The following FAM193A variants were observed in gnomAD, a reference collection of about 807,000 sequenced individuals.
The protein encoded by FAM193A is protein FAM193A.
FAM193A carries 22 observed loss-of-function variants against 126.5 expected under a neutral mutation model. The ratio of observed to expected loss-of-function variants is 0.17; its 90% CI spans 0.12 to 0.25. The LOEUF (loss-of-function observed/expected upper bound fraction) is 0.25, where lower values mean the gene tolerates loss of function less well. Among genes scored for constraint, FAM193A ranks in the 10% least tolerant of loss-of-function variants. FAM193A has a pLI of 1.00. For missense variants in FAM193A, 1,675 were observed against 1,672.8 expected, an observed-to-expected ratio of 1.00 and a Z score of -0.02; for synonymous variants, 761 against 646.8, an observed-to-expected ratio of 1.18 and a Z score of -2.68.
In FAM193A at chr4:2,604,789, T is replaced by C. The variant is rs1741431545; in HGVS notation, c.501+8460T>C. Among the ~76,000 whole-genome samples the C allele has an allele frequency of 2.7e-5, 4 of 146,008 alleles. No individual in the cohort carries two copies. The South Asian group carries it at 8.6e-4, about 31-fold the overall frequency. On this transcript the variant is annotated intron_variant, in intron 2 of 20. Coordinates refer to ENST00000637812, the MANE Select transcript of FAM193A (RefSeq NM_001366318.2). ...GTCTGCTTTTTTTCTTTTTTCTTTT[T>C]CCTTTTTTTTTTTTTTTTTTTTTTT...
chr4:2,604,426 T>C (rs901858440), intron 2 of FAM193A, among the ~76,000 whole-genome samples: 2 of 152,330 alleles, frequency 1.3e-5, no homozygotes, highest in East Asian at 1.9e-4. Flanking sequence ...CTGAGTGTTA[T>C]TTAAAATGTC....
intron 1 of FAM193A, among the ~76,000 whole-genome samples, chr4:2,545,379 C>T (rs979580268): frequency 6.8e-6 from 1 of 146,358 alleles, no homozygotes; most frequent in Non-Finnish European, 1.5e-5. Flanking sequence ...TGTTGTTGTC[C>T]TAGCAGTGGA....
chr4:2,581,594 G>A (rs1263877846), intron 1 of FAM193A, among the ~76,000 whole-genome samples: 2 of 151,468 alleles, frequency 1.3e-5, no homozygotes, highest in African/African-American at 2.4e-5. Context: ...AGGTATGCTG[G>A]CAATAAATTT....
At chr4:2,687,453 T>C (rs1197137831) in intron 13 of FAM193A, among the ~76,000 whole-genome samples, 1 of 152,096 alleles carries the variant, frequency 6.6e-6, no homozygotes, top group Non-Finnish European at 1.5e-5. Flanking sequence ...GTCACACAGC[T>C]AGCAAAAGGG....
chr4:2,601,300 T>G (rs972590693), intron 2 of FAM193A, among the ~76,000 whole-genome samples: 1 of 146,676 alleles, frequency 6.8e-6, no homozygotes, highest in African/African-American at 2.5e-5. Context: ...TGGTGCGATC[T>G]CAGCTTACTG....
At chr4:2,542,507 G>C (rs1214951406) in intron 1 of FAM193A, among the ~76,000 whole-genome samples, 1 of 152,160 alleles carries the variant, frequency 6.6e-6, no homozygotes, top group Admixed American at 6.5e-5. Flanking sequence ...TTTAATAATT[G>C]TTCATTAAAG....
chr4:2,625,405 G>T lies in FAM193A; in HGVS notation c.635+10G>T, dbSNP rs369163500. On this transcript the variant is annotated intron_variant, in intron 3 of 20. Transcript: ENST00000637812. The stretch of plus-strand genomic sequence containing the variant: ...CCTGCAGTGAGCGCAGGTATGTGAC[G>T]TGTGTGCCACGTTGCTCACACCTGT... 2 of 698,396 alleles carry T rather than the reference G, an allele frequency of 2.9e-6. No individual in the cohort carries two copies. Among genetic ancestry groups the T allele is most frequent in the Non-Finnish European group, 5.2e-6 (2 of 381,866 alleles). The allele number at this position is 698,396 out of a possible 1,614,324, so 43.3% of individuals were successfully genotyped here.
intron 13 of FAM193A, among the ~76,000 whole-genome samples, chr4:2,678,896 A>G (rs1337902665): frequency 6.6e-6 from 1 of 152,138 alleles, no homozygotes; most frequent in East Asian, 1.9e-4. Flanking sequence ...CTTCCTTTCC[A>G]GTTTAGATGC....
chr4:2,584,701 C>A (rs1215088913), intron 1 of FAM193A, among the ~76,000 whole-genome samples: 1 of 152,026 alleles, frequency 6.6e-6, no homozygotes, highest in Non-Finnish European at 1.5e-5. Context: ...CCGAGGTGGG[C>A]AGATCATGAG....
intron 1 of FAM193A, among the ~76,000 whole-genome samples, chr4:2,591,848 G>T (rs115519396): frequency 0.017 from 2,652 of 152,212 alleles, 62 homozygotes; most frequent in African/African-American, 0.051. Flanking sequence ...TAGAAAATCA[G>T]TTTATTCAGA....
rs559074045 is a variant in FAM193A at position 2,644,574 on chromosome 4, T to C, written c.1164-2111T>C. ...GCCTTAGGAGAACAGCTTTGATGTT[T>C]TGAAGTAGCCTCAATCCATGTGCGT... On this transcript the variant is annotated intron_variant, in intron 6 of 20. Coordinates refer to ENST00000637812, the MANE Select transcript of FAM193A (RefSeq NM_001366318.2). 2.0e-5 allele frequency among the ~76,000 whole-genome samples: 3 copies of C among 152,342 alleles called. No homozygotes were observed. In the South Asian group the frequency reaches 6.2e-4, roughly 32 times the overall value.
chr4:2,653,724 G>C (rs749822449), intron 7 of FAM193A, among the ~76,000 whole-genome samples: 21 of 152,276 alleles, frequency 1.4e-4, no homozygotes, highest in Non-Finnish European at 2.9e-4. Context: ...TTACAGGCGT[G>C]AGCCACCATG....
rs112617214 is a variant in FAM193A at position 2,731,538 on chromosome 4, C to CT, written c.4455-234dup. 2.9e-3 allele frequency among the ~76,000 whole-genome samples: 439 copies of CT among 152,116 alleles called. 3 individuals carry two copies. Among genetic ancestry groups the CT allele is most frequent in the African/African-American group, 8.3e-3 (346 of 41,508 alleles). On this transcript the variant is annotated intron_variant, in intron 20 of 20. Coordinates refer to ENST00000637812, the MANE Select transcript of FAM193A (RefSeq NM_001366318.2). ...AGCTCTCAGATTAAACGTTTCTTTT[C>CT]TTTCTCAGGACTCCTTCCGCCCACC...
At chr4:2,704,237 T>G in intron 19 of FAM193A, among the ~76,000 whole-genome samples, 1 of 137,046 alleles carries the variant, frequency 7.3e-6, no homozygotes, top group African/African-American at 2.8e-5. Flanking sequence ...CCCTCCAGCC[T>G]GGCAACAGAG....
intron 17 of FAM193A, among the ~76,000 whole-genome samples, chr4:2,695,831 G>A (rs1165742235): frequency 6.6e-6 from 1 of 152,148 alleles, no homozygotes; most frequent in Non-Finnish European, 1.5e-5. Context: ...CACTTTGGGA[G>A]GCTAAGGGAG....
In FAM193A at chr4:2,691,428, G is replaced by C. The variant is rs572320027; in HGVS notation, c.2803+458G>C. On this transcript the variant is annotated intron_variant, in intron 15 of 20. Coordinates refer to ENST00000637812, the MANE Select transcript of FAM193A (RefSeq NM_001366318.2). ...GACGGGGTTTCACCATTTTGGCCAG[G>C]CTAGGAGGTCATTGCTTTCTGAGCA... 2.0e-5 allele frequency among the ~76,000 whole-genome samples: 3 copies of C among 152,274 alleles called. No homozygotes were observed. The East Asian group carries it at 5.8e-4, about 29-fold the overall frequency.
chr4:2,716,243 G>T (rs1373331134), intron 20 of FAM193A, 139 bp downstream of exon 20: 1 of 667,420 alleles, frequency 1.5e-6, no homozygotes, highest in Non-Finnish European at 2.8e-6. Context: ...CTTCTGAAGA[G>T]CCTTGTAGTA....
intron 1 of FAM193A, among the ~76,000 whole-genome samples, chr4:2,560,922 G>A (rs905437328): frequency 6.6e-6 from 1 of 152,120 alleles, no homozygotes; most frequent in Non-Finnish European, 1.5e-5. Context: ...CAAAGTACTG[G>A]GATTACAGGC....
In FAM193A at chr4:2,630,958, A is replaced by G. The variant is rs1292546082; in HGVS notation, c.827A>G (p.Gln276Arg). 2 of 1,606,796 alleles carry G rather than the reference A, an allele frequency of 1.2e-6. No homozygotes were observed. ...VDRLCERDPY[Q>R]LYQRLEQQAR... ...AGGCTCTGCGAGAGGGACCCCTACC[A>G]GCTGTACCAGCGTCTGGAACAGCAA... The change falls in exon 5 of 21, where the codon CAG (glutamine) becomes CGG (arginine). Residue 276 changes from glutamine to arginine, a missense_variant. Coordinates refer to ENST00000637812, the MANE Select transcript of FAM193A (RefSeq NM_001366318.2).
Sources: gnomAD v4.1 joint callset for allele counts (sites outside exome capture counted in the v4.1 genomes callset) on GRCh38, gnomAD v4.1.1 for gene constraint, MANE v1.5 for transcripts, NCBI Gene and HGNC (gene_info 2026-07-23, HGNC 2026-07-21) for gene names.